The following ADGRL2 variants were observed in gnomAD, a reference collection of about 807,000 sequenced individuals.
ADGRL2 encodes the protein adhesion G protein-coupled receptor L2.
A neutral mutation model predicts 157.4 loss-of-function variants in ADGRL2; 44 were observed. That is an observed-to-expected ratio of 0.28 (90% CI 0.22 to 0.36). The LOEUF is 0.36. Ranked by LOEUF, ADGRL2 falls within the 10% of genes least tolerant of loss-of-function variation. The probability of loss-of-function intolerance (pLI) is 1.00; values close to 1 mark genes in which losing one functional copy is unlikely to be tolerated. For missense variants in ADGRL2, 1,510 were observed against 1,768.9 expected (o/e 0.85, Z 2.63); for synonymous variants, 585 against 624.7 (o/e 0.94, Z 0.95).
intron 1 of ADGRL2, among the ~76,000 whole-genome samples, chr1:81,832,499 A>C (rs986871740): frequency 6.6e-6 from 1 of 152,218 alleles, no homozygotes; most frequent in African/African-American, 2.4e-5. Flanking sequence ...AATTACAAGT[A>C]CCATGACTAG....
intron 2 of ADGRL2, among the ~76,000 whole-genome samples, chr1:81,851,879 A>G (rs566413371): frequency 3.3e-5 from 5 of 151,968 alleles, no homozygotes; most frequent in South Asian, 2.1e-4. Flanking sequence ...AGTAAATTCT[A>G]TGTTTAGTAG....
intron 2 of ADGRL2, among the ~76,000 whole-genome samples, chr1:81,522,871 T>C (rs549372268): frequency 7.4e-4 from 113 of 152,302 alleles, no homozygotes; most frequent in Admixed American, 2.4e-3. Context: ...AAGAAACCTA[T>C]GGCTCATTTT....
At chr1:81,453,993 A>T (rs1255075874) in intron 2 of ADGRL2, among the ~76,000 whole-genome samples, 1 of 152,220 alleles carries the variant, frequency 6.6e-6, no homozygotes, top group Non-Finnish European at 1.5e-5. Flanking sequence ...AAGCTCCAAT[A>T]CACAGCTCCA....
chr1:81,428,737 C>A (rs1401400550), intron 1 of ADGRL2, among the ~76,000 whole-genome samples: 1 of 152,030 alleles, frequency 6.6e-6, no homozygotes, highest in Non-Finnish European at 1.5e-5. Context: ...AGTTTTTCTG[C>A]TCTGTTTGAT....
rs1387360764 is a variant in ADGRL2, at chr1:81,555,267, T to TC, written c.-247-25609_-247-25608insC. On this transcript the variant is annotated intron_variant, in intron 2 of 24. Transcript: ENST00000370721. ...TAATGCTGGTCTCTATTTCTTTTCT[T>TC]TTTTTTTTTTTTTTTTTGAGATGGA... Among the ~76,000 whole-genome samples the TC allele has an allele frequency of 4.7e-3, 535 of 113,514 alleles. 1 individual carries two copies. The highest frequency in any genetic ancestry group is 0.026 in the African/African-American group (508 of 19,722). 74.5% of individuals were successfully genotyped at this position (113,514 alleles called of 152,430 possible). A position where few individuals can be genotyped will look rare whatever the true frequency, so the allele number is the denominator to read the frequency against.
intron 3 of ADGRL2, among the ~76,000 whole-genome samples, chr1:81,921,604 G>A (rs1047003643): frequency 3.9e-4 from 60 of 152,180 alleles, no homozygotes; most frequent in African/African-American, 1.4e-3. Context: ...GTTAGTGATA[G>A]TTAAAGCACT....
chr1:81,691,117 C>T (rs987337473), intron 3 of ADGRL2, among the ~76,000 whole-genome samples: 1 of 152,208 alleles, frequency 6.6e-6, no homozygotes, highest in African/African-American at 2.4e-5. Flanking sequence ...TCAACCAGCA[C>T]AAGCACATGT....
chr1:81,913,396 C>T (rs2094778910), intron 3 of ADGRL2, among the ~76,000 whole-genome samples: 1 of 152,140 alleles, frequency 6.6e-6, no homozygotes. Context: ...TGAGTGCATA[C>T]TTCCACATTC....
Position 81,746,895 on chromosome 1 carries a change from C to T in ADGRL2, c.-142-14916C>T, listed in dbSNP as rs578020117. Among the ~76,000 whole-genome samples the T allele has an allele frequency of 3.4e-4, 50 of 146,866 alleles. 1 individual carries two copies. Among genetic ancestry groups the T allele is most frequent in the African/African-American group, 1.1e-3 (44 of 38,756 alleles). On this transcript the variant is annotated intron_variant, in intron 1 of 20. Coordinates refer to the ADGRL2 transcript ENST00000359929. Reference sequence around the variant, plus strand: ...ATATACACACGTGCACACGTATACACGTATATACACACGTGCACACGTATA... The same window carrying T: ...ATATACACACGTGCACACGTATACATGTATATACACACGTGCACACGTATA...
rs10653806 is a variant in ADGRL2, at chr1:81,822,028, C to CT, written c.-100-14842dup. Among the ~76,000 whole-genome samples the CT allele has an allele frequency of 6.0e-4, 75 of 125,178 alleles. 3 individuals are homozygous for CT. Among genetic ancestry groups the CT allele is most frequent in the African/African-American group, 1.3e-3 (41 of 32,694 alleles). 82.1% of individuals were successfully genotyped at this position (125,178 alleles called of 152,430 possible). A position where few individuals can be genotyped will look rare whatever the true frequency, so the allele number is the denominator to read the frequency against. ...TGTGCATTATAGGTAATATCAGAAACTTTTTTTTTTTTTTTGCAAAGCATA... is the reference window on the plus strand; with the variant it reads ...TGTGCATTATAGGTAATATCAGAAACTTTTTTTTTTTTTTTTGCAAAGCATA... On this transcript the variant is annotated intron_variant, in intron 1 of 23. Coordinates refer to ENST00000686636, the MANE Select transcript of ADGRL2 (RefSeq NM_001366006.2).
At chr1:81,758,706 T>TCTTCATATGG (rs2085771801) in intron 1 of ADGRL2, among the ~76,000 whole-genome samples, 1 of 152,240 alleles carries the variant, frequency 6.6e-6, no homozygotes, top group Non-Finnish European at 1.5e-5. Flanking sequence ...GTTCATATGC[T>TCTTCATATGG]AACATTTCAT....
At chr1:81,654,541 G>C (rs2082489827) in intron 3 of ADGRL2, among the ~76,000 whole-genome samples, 1 of 152,208 alleles carries the variant, frequency 6.6e-6, no homozygotes, top group South Asian at 2.1e-4. Context: ...CCACAAATTT[G>C]TTGCAATCCT....
intron 1 of ADGRL2, among the ~76,000 whole-genome samples, chr1:81,425,360 T>C (rs1231045095): frequency 6.6e-6 from 1 of 152,154 alleles, no homozygotes; most frequent in Non-Finnish European, 1.5e-5. Flanking sequence ...TGTAGCTAAC[T>C]GTTACTACTA....
At chr1:81,691,538 G>T (rs187421399) in intron 3 of ADGRL2, among the ~76,000 whole-genome samples, 90 of 151,344 alleles carry the variant, frequency 5.9e-4, no homozygotes, top group African/African-American at 2.2e-3. Flanking sequence ...CGCTCTTGTT[G>T]CCCAGGCTGG....
At chr1:81,350,612 A>G (rs1662810633) in intron 1 of ADGRL2, among the ~76,000 whole-genome samples, 2 of 152,230 alleles carry the variant, frequency 1.3e-5, no homozygotes, top group Non-Finnish European at 2.9e-5. Context: ...TCACGGAAAT[A>G]TAAAGAAAGC....
At chr1:81,966,287 C>A in intron 12 of ADGRL2, 104 bp downstream of exon 12, 1 of 1,526,478 alleles carries the variant, frequency 6.6e-7, no homozygotes, top group Non-Finnish European at 9.0e-7. Flanking sequence ...AACGGCTTAC[C>A]ATTTAAAAGC....
At chr1:81,432,775 T>A (rs1441151430) in intron 1 of ADGRL2, among the ~76,000 whole-genome samples, 1 of 152,146 alleles carries the variant, frequency 6.6e-6, no homozygotes, top group East Asian at 1.9e-4. Context: ...TATAATCATC[T>A]GACAGGAAAG....
At chr1:81,968,454 CAG>C (rs1159711661) in intron 14 of ADGRL2, among the ~76,000 whole-genome samples, 6 of 152,144 alleles carry the variant, frequency 3.9e-5, no homozygotes, top group African/African-American at 1.4e-4. Context: ...GTAGAGACAA[CAG>C]AAGATTTAAA....
At chr1:81,942,470 A>G (rs1203690510) in intron 5 of ADGRL2, among the ~76,000 whole-genome samples, 2 of 151,798 alleles carry the variant, frequency 1.3e-5, no homozygotes, top group Admixed American at 1.3e-4. Flanking sequence ...TGTTCCTCAA[A>G]TTGAAGCACC....
Sources: allele counts gnomAD v4.1 joint callset (sites outside exome capture counted in the v4.1 genomes callset), GRCh38; gene constraint gnomAD v4.1.1; transcripts MANE v1.5; gene names NCBI Gene and HGNC (gene_info 2026-07-23, HGNC 2026-07-21).